TSPAN12: variants seen among roughly 807,000 people sequenced by gnomAD.
The protein encoded by TSPAN12 is tetraspanin-12.
A neutral mutation model predicts 39.2 loss-of-function variants in TSPAN12; 19 were observed. That is an observed-to-expected ratio of 0.49 (90% CI 0.34 to 0.71). TSPAN12 has a LOEUF of 0.71. Among genes scored for constraint, TSPAN12 ranks in the 30% least tolerant of loss-of-function variants. The pLI, the probability that TSPAN12 is intolerant of heterozygous loss-of-function variation, is 0.01. For missense variants in TSPAN12, 314 were observed against 359.9 expected (o/e 0.87, Z 1.03); for synonymous variants, 119 against 124.8 (o/e 0.95, Z 0.31).
At chr7:120,795,541 C>T (rs1793611808) in intron 7 of TSPAN12, among the ~76,000 whole-genome samples, 1 of 152,192 alleles carries the variant, frequency 6.6e-6, no homozygotes, top group Non-Finnish European at 1.5e-5. Flanking sequence ...ACTCAATATT[C>T]ACAGGCCACA....
intron 4 of TSPAN12, among the ~76,000 whole-genome samples, chr7:120,837,343 G>C (rs1278856079): frequency 7.1e-6 from 1 of 140,584 alleles, no homozygotes; most frequent in African/African-American, 2.7e-5. Context: ...ATGGAGTCTT[G>C]CTCTGTCGCC....
chr7:120,836,153 T>C lies in TSPAN12; in HGVS notation c.285+2624A>G, dbSNP rs557451007. Among the ~76,000 whole-genome samples the C allele has an allele frequency of 6.6e-5, 10 of 152,174 alleles. No homozygotes were observed. In the East Asian group the frequency reaches 1.4e-3, roughly 21 times the overall value. ...ACTGTAGAATCTGAACTGAGAGGAA[T>C]AGGCAGCTATTTAGAGGAGTGGGAT... On this transcript the variant is annotated intron_variant, in intron 4 of 7. Coordinates refer to ENST00000222747, the MANE Select transcript of TSPAN12 (RefSeq NM_012338.4).
At chr7:120,807,697 G>A (rs1028535038) in intron 6 of TSPAN12, among the ~76,000 whole-genome samples, 3 of 151,826 alleles carry the variant, frequency 2.0e-5, no homozygotes, top group African/African-American at 7.3e-5. Context: ...GAAGAATTCC[G>A]AACTTCTCAT....
chr7:120,799,358 T>C (rs1228265129), intron 7 of TSPAN12, among the ~76,000 whole-genome samples: 1 of 149,144 alleles, frequency 6.7e-6, no homozygotes, highest in African/African-American at 2.5e-5. Flanking sequence ...CACTTACGGC[T>C]CAGGAGTGAT....
Position 120,822,214 on chromosome 7 carries a change from C to T in TSPAN12, c.286-6411G>A, listed in dbSNP as rs559181195. Among the ~76,000 whole-genome samples, 9 of 152,040 alleles carry T rather than the reference C, an allele frequency of 5.9e-5. No homozygotes were observed. The South Asian group carries it at 6.2e-4, about 11-fold the overall frequency. On this transcript the variant is annotated intron_variant, in intron 4 of 7. Coordinates refer to ENST00000222747, the MANE Select transcript of TSPAN12 (RefSeq NM_012338.4). ...TCGTAGAAACAAAGAGGATTAATTC[C>T]CCCCACTTTTAAAGTTATTTAACAT...
intron 4 of TSPAN12, among the ~76,000 whole-genome samples, chr7:120,825,498 T>C (rs1230713714): frequency 6.6e-6 from 1 of 152,188 alleles, no homozygotes; most frequent in African/African-American, 2.4e-5. Context: ...ACATGCTACA[T>C]AGCCAATACT....
In TSPAN12 at chr7:120,791,294, A is replaced by C. The variant is rs560482871; in HGVS notation, c.613-2397T>G. 5.9e-5 allele frequency among the ~76,000 whole-genome samples: 9 copies of C among 151,922 alleles called. No individual in the cohort carries two copies. In the East Asian group the frequency reaches 1.5e-3, roughly 26 times the overall value. On this transcript the variant is annotated intron_variant, in intron 7 of 7. Transcript: ENST00000222747. ...CAGTGAGCTGAGATCGCCCCACTGG[A>C]CTCCAGCCTGGGCAACAGAGGGAGA...
rs560052070 is a variant in TSPAN12, at chr7:120,800,343, G to T, written c.612+6206C>A. Among the ~76,000 whole-genome samples, 4 of 152,182 alleles carry T rather than the reference G, an allele frequency of 2.6e-5. No homozygotes were observed. The East Asian group carries it at 7.7e-4, about 29-fold the overall frequency. On this transcript the variant is annotated intron_variant, in intron 7 of 7. Transcript: ENST00000222747. ...AGTTCTTTTTCAACCGAACCTTGAC[G>T]TTTGGACTTGGTGTTTGTCTCTGCA...
At chr7:120,825,376 A>G (rs1794267076) in intron 4 of TSPAN12, among the ~76,000 whole-genome samples, 1 of 152,210 alleles carries the variant, frequency 6.6e-6, no homozygotes, top group African/African-American at 2.4e-5. Context: ...ATCTTGTAAA[A>G]TTGATACAAC....
intron 5 of TSPAN12, among the ~76,000 whole-genome samples, chr7:120,815,124 T>C (rs1292029692): frequency 6.6e-6 from 1 of 152,182 alleles, no homozygotes; most frequent in East Asian, 1.9e-4. Context: ...AAGCAGCCTG[T>C]GGAATTAAAG....
chr7:120,803,367 G>A (rs1160067766), intron 7 of TSPAN12, among the ~76,000 whole-genome samples: 1 of 152,040 alleles, frequency 6.6e-6, no homozygotes, highest in Non-Finnish European at 1.5e-5. Flanking sequence ...AATACCTCCA[G>A]CTGTTCCTCA....
chr7:120,789,961 T>TG (rs900243595), intron 7 of TSPAN12, among the ~76,000 whole-genome samples: 1 of 151,818 alleles, frequency 6.6e-6, no homozygotes, highest in African/African-American at 2.4e-5. Context: ...AAGATTAGGG[T>TG]GGGGGGTGGC....
Position 120,810,515 on chromosome 7 carries a change from C to A in TSPAN12, c.416G>T (p.Gly139Val). ...VTLKARMTNYGLPRYRWLTHA... is the reference protein window; with the variant it reads ...VTLKARMTNYVLPRYRWLTHA... ...AGTAAGCCACCGATATCTAGGTAAT[C>A]CATAATTTGTCATCCTGGCTTTCAA... The change falls in exon 6 of 8, where the codon GGA (glycine) becomes GTA (valine). Residue 139 changes from glycine to valine, a missense_variant. Transcript: ENST00000222747. 6.2e-7 allele frequency: 1 copy of A among 1,613,500 alleles called. No individual in the cohort carries two copies. Among genetic ancestry groups the A allele is most frequent in the South Asian group, 1.1e-5 (1 of 91,054 alleles).
At position 120,789,753 on chromosome 7, in the gene TSPAN12, T is replaced by C. The variant is rs185508366; in HGVS notation, c.613-856A>G. 2.6e-5 allele frequency among the ~76,000 whole-genome samples: 4 copies of C among 152,252 alleles called. No homozygotes were observed. In the East Asian group the frequency reaches 7.7e-4, roughly 29 times the overall value. The stretch of plus-strand genomic sequence containing the variant: ...CTCCAAAATCATTAATAGAACTGCC[T>C]GAAAAATTGAGCTGTAGACATAGAC... On this transcript the variant is annotated intron_variant, in intron 7 of 7. Transcript: ENST00000222747.
At chr7:120,812,004 C>T (rs1212856883) in intron 5 of TSPAN12, among the ~76,000 whole-genome samples, 1 of 152,060 alleles carries the variant, frequency 6.6e-6, no homozygotes, top group Non-Finnish European at 1.5e-5. Flanking sequence ...CACTAAAGAA[C>T]TTATTAATGT....
chr7:120,853,023 G>A (rs1421169668), intron 2 of TSPAN12, among the ~76,000 whole-genome samples: 1 of 151,714 alleles, frequency 6.6e-6, no homozygotes, highest in Non-Finnish European at 1.5e-5. Context: ...CACTGAAGAA[G>A]TAAAATCAGT....
chr7:120,818,902 C>A (rs1358210792), intron 4 of TSPAN12, among the ~76,000 whole-genome samples: 1 of 152,012 alleles, frequency 6.6e-6, no homozygotes, highest in Non-Finnish European at 1.5e-5. Flanking sequence ...TACTTCAAGC[C>A]AATTTTTATC....
At chr7:120,856,620 C>T in intron 2 of TSPAN12, 78 bp downstream of exon 2, 1 of 1,408,594 alleles carries the variant, frequency 7.1e-7, no homozygotes, top group Non-Finnish European at 1.0e-6. Flanking sequence ...TTAGCCATGC[C>T]CTTTGGCGCA....
intron 7 of TSPAN12, among the ~76,000 whole-genome samples, chr7:120,798,609 G>T (rs181735835): frequency 9.9e-5 from 15 of 152,242 alleles, no homozygotes; most frequent in African/African-American, 3.6e-4. Flanking sequence ...CCTCAAATTT[G>T]TGAATATGTT....
Sources: allele counts gnomAD v4.1 joint callset (sites outside exome capture counted in the v4.1 genomes callset), GRCh38; gene constraint gnomAD v4.1.1; transcripts MANE v1.5; gene names NCBI Gene and HGNC (gene_info 2026-07-23, HGNC 2026-07-21).